DSE: variants seen among roughly 807,000 people sequenced by gnomAD.
DSE encodes dermatan sulfate epimerase.
Under a neutral mutation model 84.4 loss-of-function variants are expected in DSE, and 36 were observed. The ratio of observed to expected loss-of-function variants is 0.43; its 90% CI spans 0.33 to 0.56. DSE has a LOEUF of 0.56. DSE is among the 20% of genes least tolerant of loss of function. The pLI is 0.06. For synonymous variants in DSE, 410 were observed against 430.1 expected (o/e 0.95, Z 0.58); for missense variants, 862 against 1,169.6 (o/e 0.74, Z 3.84).
chr6:116,382,870 A>T (rs1365933292), intron 1 of DSE, among the ~76,000 whole-genome samples: 1 of 152,220 alleles, frequency 6.6e-6, no homozygotes, highest in Non-Finnish European at 1.5e-5. Context: ...AGAAAGTTAG[A>T]AATATCCCCA....
intron 1 of DSE, among the ~76,000 whole-genome samples, chr6:116,397,865 T>C (rs1781358492): frequency 6.6e-6 from 1 of 152,222 alleles, no homozygotes; most frequent in Admixed American, 6.5e-5. Context: ...GGTAGAAATA[T>C]AAAAAACTCC....
At chr6:116,310,225 C>G (rs1775606301) in intron 2 of DSE, among the ~76,000 whole-genome samples, 1 of 152,090 alleles carries the variant, frequency 6.6e-6, no homozygotes, top group Admixed American at 6.6e-5. Context: ...ATCTCTTTTA[C>G]TTAGTCCTTT....
intron 2 of DSE, among the ~76,000 whole-genome samples, chr6:116,271,932 A>G (rs556932758): frequency 2.6e-5 from 4 of 152,342 alleles, no homozygotes; most frequent in African/African-American, 4.8e-5. Context: ...AACTCAAGAT[A>G]TGGAGCACTA....
chr6:116,269,583 G>C (rs1199623461), intron 2 of DSE, among the ~76,000 whole-genome samples: 1 of 152,164 alleles, frequency 6.6e-6, no homozygotes, highest in East Asian at 1.9e-4. Flanking sequence ...CTAGCACATA[G>C]TAATAATGCT....
intron 2 of DSE, among the ~76,000 whole-genome samples, chr6:116,281,929 T>A (rs534681288): frequency 2.0e-5 from 3 of 152,372 alleles, no homozygotes; most frequent in South Asian, 2.1e-4. Context: ...TTTCTATATA[T>A]GTTTCAAAGG....
intron 2 of DSE, among the ~76,000 whole-genome samples, chr6:116,260,489 A>G (rs9398429): frequency 0.28 from 42,927 of 152,092 alleles, 7,325 homozygotes; most frequent in East Asian, 0.68. Context: ...TAGTTTAATT[A>G]GATACCATTT....
At chr6:116,370,457 C>T (rs898388278), upstream of DSE, 2 of 987,238 alleles carry the variant, frequency 2.0e-6, no homozygotes, top group Non-Finnish European at 2.4e-6. Context: ...GAGGCAGTAA[C>T]TATTCGGGAG....
At chr6:116,435,338 T>C (rs1043098950) in intron 5 of DSE, among the ~76,000 whole-genome samples, 1 of 152,184 alleles carries the variant, frequency 6.6e-6, no homozygotes, top group African/African-American at 2.4e-5. Flanking sequence ...ATGTAGAGAT[T>C]AGAGCAGAAA....
intron 1 of DSE, among the ~76,000 whole-genome samples, chr6:116,396,893 T>G (rs1781284864): frequency 6.6e-6 from 1 of 152,178 alleles, no homozygotes; most frequent in Non-Finnish European, 1.5e-5. Context: ...TTACCCACGT[T>G]TGGGGAAGTT....
chr6:116,268,738 C>T (rs1772744358), intron 2 of DSE, among the ~76,000 whole-genome samples: 1 of 152,110 alleles, frequency 6.6e-6, no homozygotes, highest in African/African-American at 2.4e-5. Flanking sequence ...CTGTGATATT[C>T]CCATTCCTGG....
chr6:116,436,543 A>G lies in DSE; in HGVS notation c.2075A>G (p.His692Arg), dbSNP rs374283523. 12 of 1,614,016 alleles carry G rather than the reference A, an allele frequency of 7.4e-6. No homozygotes were observed. The highest frequency in any genetic ancestry group is 1.3e-5 in the African/African-American group (1 of 74,914). Residue 692 changes from histidine (H) to arginine (R), a missense_variant, in exon 6 of 6, where the codon CAT becomes CGT. Physicochemically the swap from His to Arg is conservative, Grantham distance 29. Around this residue, in one of 4 missense-constraint regions of DSE, gnomAD observed 315 missense variants for 348.1 expected, o/e 0.90. Transcript: ENST00000644252. ...GATGTGTTCATAGCCACCAGCAAAC[A>G]TGCCTACGCCACATACCTGTGGACA... ...QLDVFIATSK[H>R]AYATYLWTGE...
At chr6:116,323,002 G>A (rs575770828) in intron 2 of DSE, among the ~76,000 whole-genome samples, 1 of 152,286 alleles carries the variant, frequency 6.6e-6, no homozygotes, top group South Asian at 2.1e-4. Flanking sequence ...TATCCATGCA[G>A]GGAGCATAAG....
chr6:116,274,110 G>A (rs1009419138), intron 2 of DSE, among the ~76,000 whole-genome samples: 5 of 151,976 alleles, frequency 3.3e-5, no homozygotes, highest in Non-Finnish European at 4.4e-5. Context: ...GATTTCAGGC[G>A]TGAGCCACCC....
intron 1 of DSE, among the ~76,000 whole-genome samples, chr6:116,372,744 A>G (rs1221491985): frequency 1.3e-5 from 2 of 152,270 alleles, no homozygotes; most frequent in East Asian, 3.9e-4. Flanking sequence ...ATTGAATTTG[A>G]TGTCTCCATC....
In DSE at chr6:116,376,096, C is replaced by G. The variant is rs533083264; in HGVS notation, c.-54+4975C>G. Among the ~76,000 whole-genome samples the G allele has an allele frequency of 2.6e-5, 4 of 152,330 alleles. No homozygotes were observed. In the East Asian group the frequency reaches 7.7e-4, roughly 29 times the overall value. ...TTATTATCCCTTTTACTACTCACTA[C>G]TCCTCATGAACCATCAGCTCCCTAA... On this transcript the variant is annotated intron_variant, in intron 1 of 5. Transcript: ENST00000644252.
chr6:116,372,001 G>C (rs1779617720), intron 1 of DSE, among the ~76,000 whole-genome samples: 1 of 152,216 alleles, frequency 6.6e-6, no homozygotes, highest in Non-Finnish European at 1.5e-5. Context: ...GACGCTTTTA[G>C]TTCTAGGAAT....
At chr6:116,392,303 G>A (rs1780959327) in intron 1 of DSE, among the ~76,000 whole-genome samples, 1 of 152,224 alleles carries the variant, frequency 6.6e-6, no homozygotes, top group Non-Finnish European at 1.5e-5. Context: ...GCATGAGCAA[G>A]CGAGTCACAG....
intron 1 of DSE, among the ~76,000 whole-genome samples, chr6:116,373,057 TAA>T (rs35753373): frequency 0.04 from 5,828 of 145,428 alleles, 128 homozygotes; most frequent in Non-Finnish European, 0.059. Context: ...GAAGGGGAAT[TAA>T]AAAAAAAAAA....
intron 2 of DSE, among the ~76,000 whole-genome samples, chr6:116,421,067 A>C (rs1040142163): frequency 2.2e-4 from 34 of 152,188 alleles, no homozygotes; most frequent in African/African-American, 7.7e-4. Flanking sequence ...TCAGAATCAC[A>C]ACTTAATTCA....
Sources: gnomAD v4.1 joint callset for allele counts (sites outside exome capture counted in the v4.1 genomes callset) on GRCh38, gnomAD v4.1.1 for gene constraint, gnomAD v4.1.1 regional missense constraint, MANE v1.5 for transcripts, NCBI Gene and HGNC (gene_info 2026-07-23, HGNC 2026-07-21) for gene names.